PLCL1: variants seen among roughly 807,000 people sequenced by gnomAD.
The protein encoded by PLCL1 is inactive phospholipase C-like protein 1.
Under a neutral mutation model 84.4 loss-of-function variants are expected in PLCL1, and 41 were observed. That is an observed-to-expected ratio of 0.49 (90% CI 0.38 to 0.63). The LOEUF (loss-of-function observed/expected upper bound fraction) is 0.63, where lower values mean the gene tolerates loss of function less well. Among genes scored for constraint, PLCL1 ranks in the 30% least tolerant of loss-of-function variants. The pLI is 0.00. For missense variants in PLCL1, 1,206 were observed against 1,367.8 expected, an observed-to-expected ratio of 0.88 and a Z score of 1.87; for synonymous variants, 490 against 488.3, an observed-to-expected ratio of 1.00 and a Z score of -0.05.
At chr2:197,996,076 G>A (rs1690458421) in intron 1 of PLCL1, among the ~76,000 whole-genome samples, 1 of 152,124 alleles carries the variant, frequency 6.6e-6, no homozygotes, top group Non-Finnish European at 1.5e-5. Context: ...AAGAGACGGG[G>A]CATTGGAGGA....
At chr2:197,812,452 C>T (rs1263411003) in intron 1 of PLCL1, among the ~76,000 whole-genome samples, 1 of 152,166 alleles carries the variant, frequency 6.6e-6, no homozygotes, top group Non-Finnish European at 1.5e-5. Flanking sequence ...ACAACTTCAC[C>T]AACATTTGTT....
intron 1 of PLCL1, among the ~76,000 whole-genome samples, chr2:198,042,678 G>A (rs1248876203): frequency 2.0e-5 from 3 of 152,216 alleles, no homozygotes; most frequent in Admixed American, 6.5e-5. Flanking sequence ...CTTAAGGTAT[G>A]TTGAGTTTGA....
At chr2:197,922,553 C>G (rs1463952576) in intron 1 of PLCL1, among the ~76,000 whole-genome samples, 1 of 131,754 alleles carries the variant, frequency 7.6e-6, no homozygotes, top group African/African-American at 2.7e-5. Context: ...GGGTGGTGGC[C>G]GGGCAGAGGG....
intron 5 of PLCL1, among the ~76,000 whole-genome samples, chr2:198,129,082 C>T (rs774436649): frequency 2.6e-5 from 4 of 152,084 alleles, no homozygotes; most frequent in Non-Finnish European, 5.9e-5. Flanking sequence ...AGATAGCAGG[C>T]CCTGAGAAAA....
intron 1 of PLCL1, among the ~76,000 whole-genome samples, chr2:197,824,551 A>G (rs1453455126): frequency 6.6e-6 from 1 of 151,794 alleles, no homozygotes; most frequent in Non-Finnish European, 1.5e-5. Context: ...CCATCTGTAC[A>G]AAAAATACAA....
At chr2:197,826,088 C>T (rs997085640) in intron 1 of PLCL1, among the ~76,000 whole-genome samples, 4 of 152,202 alleles carry the variant, frequency 2.6e-5, no homozygotes, top group African/African-American at 9.6e-5. Context: ...AGGCTTTTCA[C>T]TGAGCCTCAC....
At chr2:197,939,983 A>T (rs1004624106) in intron 1 of PLCL1, among the ~76,000 whole-genome samples, 1 of 152,114 alleles carries the variant, frequency 6.6e-6, no homozygotes, top group South Asian at 2.1e-4. Context: ...GTGGGGTGGG[A>T]TGTTGTTAGT....
Position 198,041,202 on chromosome 2 carries a change from A to G in PLCL1, c.241-42556A>G, listed in dbSNP as rs185170195. Among the ~76,000 whole-genome samples, 51 of 152,314 alleles carry G rather than the reference A, an allele frequency of 3.3e-4. 1 individual carries two copies. Among genetic ancestry groups the G allele is most frequent in the Admixed American group, 3.1e-3 (47 of 15,298 alleles). The stretch of plus-strand genomic sequence containing the variant: ...CTAACCCTTCGGTTTGAAATGTCTG[A>G]AAACTGCTTCTCTGTTTTACAATCT... On this transcript the variant is annotated intron_variant, in intron 1 of 5. Coordinates refer to ENST00000428675, the MANE Select transcript of PLCL1 (RefSeq NM_006226.4).
At position 198,075,513 on chromosome 2, in the gene PLCL1, G is replaced by A. The variant is rs1559094512; in HGVS notation, c.241-8245G>A. On this transcript the variant is annotated intron_variant, in intron 1 of 5. Coordinates refer to ENST00000428675, the MANE Select transcript of PLCL1 (RefSeq NM_006226.4). ...GTTGACTAGAGAAATGGAAGTTCAC[G>A]TATCTCATAACTGCGTACGAAGCAG... 2.0e-5 allele frequency among the ~76,000 whole-genome samples: 3 copies of A among 152,168 alleles called. No homozygotes were observed. The South Asian group carries it at 6.2e-4, about 31-fold the overall frequency.
chr2:197,897,994 A>G (rs1688188184), intron 1 of PLCL1, among the ~76,000 whole-genome samples: 1 of 152,212 alleles, frequency 6.6e-6, no homozygotes, highest in Non-Finnish European at 1.5e-5. Context: ...TTTGTGCCAT[A>G]TATTATAGTA....
At position 197,885,541 on chromosome 2, in the gene PLCL1, T is replaced by C. The variant is rs538826463; in HGVS notation, c.240+80202T>C. Among the ~76,000 whole-genome samples the C allele has an allele frequency of 1.9e-4, 29 of 152,306 alleles. No homozygotes were observed. The East Asian group carries it at 2.5e-3, about 13-fold the overall frequency. On this transcript the variant is annotated intron_variant, in intron 1 of 5. Coordinates refer to ENST00000428675, the MANE Select transcript of PLCL1 (RefSeq NM_006226.4). The stretch of plus-strand genomic sequence containing the variant: ...TCCACTGATTCCAATGCTAATCTCA[T>C]CCGGAAACCCTCACAAACACACCCA...
At chr2:197,929,386 A>G (rs1688892109) in intron 1 of PLCL1, among the ~76,000 whole-genome samples, 1 of 152,206 alleles carries the variant, frequency 6.6e-6, no homozygotes, top group Non-Finnish European at 1.5e-5. Flanking sequence ...TAACTGTTGA[A>G]TGAAGATTCT....
At chr2:197,993,152 C>T (rs1574231108) in intron 1 of PLCL1, among the ~76,000 whole-genome samples, 1 of 152,258 alleles carries the variant, frequency 6.6e-6, no homozygotes, top group East Asian at 1.9e-4. Context: ...ATACCCTAGC[C>T]AACACTTGTA....
intron 5 of PLCL1, among the ~76,000 whole-genome samples, chr2:198,122,027 T>C (rs746309522): frequency 3.3e-5 from 5 of 152,074 alleles, no homozygotes; most frequent in Non-Finnish European, 7.4e-5. Context: ...TCCATATACA[T>C]ATGTACACAG....
chr2:197,908,350 G>A (rs1688423291), intron 1 of PLCL1, among the ~76,000 whole-genome samples: 1 of 152,134 alleles, frequency 6.6e-6, no homozygotes, highest in Non-Finnish European at 1.5e-5. Context: ...CATATTTCTA[G>A]CAAAAGAGAA....
At chr2:197,847,398 G>A (rs1314904521) in intron 1 of PLCL1, among the ~76,000 whole-genome samples, 1 of 152,098 alleles carries the variant, frequency 6.6e-6, no homozygotes, top group East Asian at 1.9e-4. Context: ...AGTTTCTAGT[G>A]GGTCTTTCAT....
At position 197,903,468 on chromosome 2, in the gene PLCL1, A is replaced by ATTTTTTTTTT. The variant is rs3056105; in HGVS notation, c.240+98153_240+98162dup. ...GTATCTTCCTTTTTACTCCATTTAA[A>ATTTTTTTTTT]TTTTTTTTTTTTTTTTTTTTTTTTT... On this transcript the variant is annotated intron_variant, in intron 1 of 5. Coordinates refer to ENST00000428675, the MANE Select transcript of PLCL1 (RefSeq NM_006226.4). Among the ~76,000 whole-genome samples, 197 of 47,804 alleles carry ATTTTTTTTTT rather than the reference A, an allele frequency of 4.1e-3. 26 individuals are homozygous for ATTTTTTTTTT. Among genetic ancestry groups the ATTTTTTTTTT allele is most frequent in the East Asian group, 7.4e-3 (9 of 1,212 alleles). 31.4% of individuals were successfully genotyped at this position (47,804 alleles called of 152,430 possible).
rs1693328358 is a variant in PLCL1, at chr2:198,101,325, C to T, written c.2960C>T (p.Thr987Ile). The stretch of plus-strand genomic sequence containing the variant: ...CGGTTTCTCATAGAAATGGCGGACA[C>T]AGTCCAGGAAAAGATTGTACAGTGT... ...ESRFLIEMAD[T>I]VQEKIVQCQK... Residue 987 changes from threonine (T) to isoleucine (I), a missense_variant, in exon 4 of 6, where the codon ACA becomes ATA. Physicochemically the swap from Thr to Ile is moderately conservative, Grantham distance 89 (BLOSUM62 -1). Transcript: ENST00000428675. The T allele has an allele frequency of 6.3e-7, 1 of 1,598,348 alleles. No homozygotes were observed. The highest frequency in any genetic ancestry group is 8.6e-7 in the Non-Finnish European group (1 of 1,167,668).
intron 1 of PLCL1, among the ~76,000 whole-genome samples, chr2:198,047,874 A>G (rs1245785415): frequency 1.3e-5 from 2 of 152,166 alleles, no homozygotes; most frequent in East Asian, 1.9e-4. Context: ...AATAACTATC[A>G]GAGGGCAGGG....
Sources: allele counts gnomAD v4.1 joint callset (sites outside exome capture counted in the v4.1 genomes callset), GRCh38; gene constraint gnomAD v4.1.1; transcripts MANE v1.5; gene names NCBI Gene and HGNC (gene_info 2026-07-23, HGNC 2026-07-21).